The following PLPP3 variants were observed in gnomAD, a reference collection of about 807,000 sequenced individuals.
The protein encoded by PLPP3 is PAP2 beta.
PLPP3 carries 6 observed loss-of-function variants against 29.6 expected under a neutral mutation model. That is an observed-to-expected ratio of 0.20 (90% CI 0.11 to 0.40). The LOEUF is 0.40. PLPP3 is among the 10% of genes least tolerant of loss of function. The probability of loss-of-function intolerance (pLI) is 1.00; values close to 1 mark genes in which losing one functional copy is unlikely to be tolerated. For missense variants in PLPP3, 308 were observed against 407.7 expected (o/e 0.76, Z 2.11); for synonymous variants, 152 against 159.7 (o/e 0.95, Z 0.36).
rs541319703 is a variant in PLPP3 at position 56,522,355 on chromosome 1, G to A, written c.633+1468C>T. On this transcript the variant is annotated intron_variant, in intron 4 of 5. Coordinates refer to ENST00000371250, the MANE Select transcript of PLPP3 (RefSeq NM_003713.5). Reference sequence around the variant, plus strand: ...TATTTTTCATTTGGAATAAAATGAAGGGATATGAAAAAAATGAACACATAC... The same window carrying A: ...TATTTTTCATTTGGAATAAAATGAAAGGATATGAAAAAAATGAACACATAC... 2.6e-5 allele frequency among the ~76,000 whole-genome samples: 4 copies of A among 152,262 alleles called. No individual in the cohort carries two copies. The South Asian group carries it at 8.3e-4, about 32-fold the overall frequency.
chr1:56,546,333 G>T (rs1236044311), intron 1 of PLPP3, among the ~76,000 whole-genome samples: 1 of 152,096 alleles, frequency 6.6e-6, no homozygotes, highest in East Asian at 1.9e-4. Flanking sequence ...TATGTTAATT[G>T]CCTGGCTTTG....
Position 56,520,164 on chromosome 1 carries a change from T to C in PLPP3, c.633+3659A>G, listed in dbSNP as rs141096874. 2.2e-3 allele frequency among the ~76,000 whole-genome samples: 335 copies of C among 152,308 alleles called. 1 individual carries two copies. Among genetic ancestry groups the C allele is most frequent in the African/African-American group, 7.7e-3 (319 of 41,566 alleles). ...GAAAGTGGGGTCCAGAGAGGAAAAG[T>C]GGCAACAACTCTGCAAAATAGACAT... On this transcript the variant is annotated intron_variant, in intron 4 of 5. Coordinates refer to ENST00000371250, the MANE Select transcript of PLPP3 (RefSeq NM_003713.5).
intron 1 of PLPP3, among the ~76,000 whole-genome samples, chr1:56,542,811 C>G (rs1347835649): frequency 6.6e-6 from 1 of 151,986 alleles, no homozygotes. Context: ...TGCTTGAGCT[C>G]ATAAGTCCGA....
chr1:56,570,453 C>T (rs2100308005), intron 1 of PLPP3, among the ~76,000 whole-genome samples: 2 of 152,314 alleles, frequency 1.3e-5, no homozygotes, highest in South Asian at 4.1e-4. Context: ...TATATACTTT[C>T]AAATCACACA....
At chr1:56,530,289 C>T (rs989710457) in intron 2 of PLPP3, among the ~76,000 whole-genome samples, 1 of 133,262 alleles carries the variant, frequency 7.5e-6, no homozygotes, top group African/African-American at 3.0e-5. Context: ...ATCTCAGCTG[C>T]TTCAATAGCT....
intron 1 of PLPP3, among the ~76,000 whole-genome samples, chr1:56,562,868 A>G (rs1184084943): frequency 6.6e-6 from 1 of 152,098 alleles, no homozygotes; most frequent in Non-Finnish European, 1.5e-5. Context: ...TATTTCTTAG[A>G]CTTTCCCTCA....
chr1:56,524,899 C>T lies in PLPP3; in HGVS notation c.298-345G>A, dbSNP rs761103000. On this transcript the variant is annotated intron_variant, in intron 2 of 5. Transcript: ENST00000371250. This position sits in a 1 kb window ranked among gnomAD's most constrained non-coding sequence, Gnocchi z 4.3. Reference sequence around the variant, plus strand: ...AAAGAAATACTAAATGAAGAATCAACGACAAGGTAAAGGGTAGCTATGATG... The same window carrying T: ...AAAGAAATACTAAATGAAGAATCAATGACAAGGTAAAGGGTAGCTATGATG... Among the ~76,000 whole-genome samples the T allele has an allele frequency of 3.3e-5, 5 of 151,202 alleles. 1 individual carries two copies. The highest frequency in any genetic ancestry group is 9.7e-5 in the African/African-American group (4 of 41,112).
intron 1 of PLPP3, among the ~76,000 whole-genome samples, chr1:56,553,312 C>T (rs75264190): frequency 0.096 from 14,576 of 152,132 alleles, 872 homozygotes; most frequent in South Asian, 0.17. Context: ...GGGAGTGGCA[C>T]GGCAAGGCTG....
intron 1 of PLPP3, among the ~76,000 whole-genome samples, chr1:56,545,533 T>C (rs1646000065): frequency 6.6e-6 from 1 of 152,068 alleles, no homozygotes; most frequent in Admixed American, 6.5e-5. Context: ...CTTCTTGGGA[T>C]TGGGTAGACA....
At chr1:56,575,954 T>C (rs1204782168) in intron 1 of PLPP3, among the ~76,000 whole-genome samples, 3 of 152,120 alleles carry the variant, frequency 2.0e-5, no homozygotes, top group Non-Finnish European at 4.4e-5. Flanking sequence ...AAAATCAATT[T>C]CAGGAAAACT....
At chr1:56,560,832 CTTTTTTTTTT>C (rs397860682) in intron 1 of PLPP3, among the ~76,000 whole-genome samples, 1 of 89,334 alleles carries the variant, frequency 1.1e-5, no homozygotes, top group East Asian at 3.8e-4. Flanking sequence ...ATTCAGAGTC[CTTTTTTTTTT>C]TTTTTTTTTT....
At chr1:56,501,063 G>C (rs150521658) in intron 5 of PLPP3, among the ~76,000 whole-genome samples, 17 of 146,610 alleles carry the variant, frequency 1.2e-4, no homozygotes, top group Non-Finnish European at 2.4e-4. Flanking sequence ...TGGAGACGGA[G>C]TCAAAAAGCA....
At chr1:56,569,641 T>A (rs1469207190) in intron 1 of PLPP3, among the ~76,000 whole-genome samples, 1 of 152,142 alleles carries the variant, frequency 6.6e-6, no homozygotes, top group Non-Finnish European at 1.5e-5. Context: ...AAAGAAAACT[T>A]CATTTGCTCT....
intron 5 of PLPP3, among the ~76,000 whole-genome samples, chr1:56,502,312 G>C (rs1301899163): frequency 6.6e-6 from 1 of 152,086 alleles, no homozygotes; most frequent in Non-Finnish European, 1.5e-5. Context: ...GCTAGCAAAG[G>C]GTAGATAACT....
At chr1:56,527,336 C>A (rs1161492916) in intron 2 of PLPP3, among the ~76,000 whole-genome samples, 1 of 152,150 alleles carries the variant, frequency 6.6e-6, no homozygotes, top group Non-Finnish European at 1.5e-5. Context: ...TTCATTGAAT[C>A]TTCTCTGTGA....
rs1645836484 is a variant in PLPP3, at chr1:56,524,043, A to AG, written c.576-164dup. ...TTTGGACCCATGCCTGGAACATAGC[A>AG]GGCACCTATGAATTCATGAATAAAC... On this transcript the variant is annotated intron_variant, in intron 3 of 5. Coordinates refer to ENST00000371250, the MANE Select transcript of PLPP3 (RefSeq NM_003713.5). The surrounding 1 kb of genome is among the most constrained non-coding windows in gnomAD (Gnocchi z 4.3). 6.6e-6 allele frequency among the ~76,000 whole-genome samples: 1 copy of AG among 152,234 alleles called. No homozygotes were observed. The highest frequency in any genetic ancestry group is 1.5e-5 in the Non-Finnish European group (1 of 68,036).
At chr1:56,561,853 G>C (rs1569600608) in intron 1 of PLPP3, among the ~76,000 whole-genome samples, 2 of 151,786 alleles carry the variant, frequency 1.3e-5, no homozygotes, top group African/African-American at 4.8e-5. Flanking sequence ...TGGGCAACAT[G>C]GTGAAACCCT....
At chr1:56,516,897 T>G (rs995139052) in intron 4 of PLPP3, 3 of 152,210 alleles carry the variant, frequency 2.0e-5, no homozygotes. Flanking sequence ...ACTCTGTCAG[T>G]GCAGTTCTCT....
At chr1:56,538,966 A>AAAAAAAAAAAAAAAAAAC (rs1645949758) in intron 1 of PLPP3, 1 of 151,286 alleles carries the variant, frequency 6.6e-6, no homozygotes, top group South Asian at 2.1e-4. Context: ...CTGCAAAAAA[A>AAAAAAAAAAAAAAAAAAC]AAAAACACAG....
Sources: allele counts gnomAD v4.1 joint callset (sites outside exome capture counted in the v4.1 genomes callset), GRCh38; gene constraint gnomAD v4.1.1; non-coding constraint Gnocchi (gnomAD v3.1); transcripts MANE v1.5; gene names NCBI Gene and HGNC (gene_info 2026-07-23, HGNC 2026-07-21).